Variants in SORBS2 observed in about 807,000 individuals in gnomAD.
SORBS2 encodes the protein sorbin and SH3 domain containing 2.
A neutral mutation model predicts 97.7 loss-of-function variants in SORBS2; 46 were observed. The ratio of observed to expected loss-of-function variants is 0.47; its 90% CI spans 0.37 to 0.60. The LOEUF (loss-of-function observed/expected upper bound fraction) is 0.60. Ranked by LOEUF, SORBS2 falls within the 20% of genes least tolerant of loss-of-function variation. The pLI is 0.00. For synonymous variants in SORBS2, 476 were observed against 473.4 expected (o/e 1.01, Z -0.07); for missense variants, 1,316 against 1,282.3 (o/e 1.03, Z -0.40).
At chr4:185,734,077 G>C (rs985348081) in intron 2 of SORBS2, 22 bp downstream of exon 3, 3 of 152,610 alleles carry the variant, frequency 2.0e-5, no homozygotes, top group Admixed American at 1.3e-4. Context: ...GTGGCGGGCG[G>C]TTTCCCGTGA....
In SORBS2 at chr4:185,884,271, C is replaced by T. The variant is rs77570387; in HGVS notation, c.-338+71925G>A. On this transcript the variant is annotated intron_variant, in intron 1 of 20. Transcript: ENST00000284776. ...TGGGAATTGTTCCCATTTATCATTT[C>T]TATCTGGATATTCTTATAGACATAA... is the stretch of plus-strand genomic sequence containing the variant. 7.6e-3 allele frequency among the ~76,000 whole-genome samples: 1,151 copies of T among 152,256 alleles called. 10 individuals carry two copies. The highest frequency in any genetic ancestry group is 0.034 in the Middle Eastern group (10 of 294).
intron 6 of SORBS2, among the ~76,000 whole-genome samples, chr4:185,625,234 A>G (rs1405394879): frequency 6.6e-6 from 1 of 152,230 alleles, no homozygotes; most frequent in Non-Finnish European, 1.5e-5. Context: ...CTTTCATCAG[A>G]GGTGCATATA....
rs576029197 is a variant in SORBS2, at chr4:185,643,902, G to A, written c.396+2766C>T. 3.3e-5 allele frequency among the ~76,000 whole-genome samples: 5 copies of A among 152,230 alleles called. No homozygotes were observed. In the South Asian group the frequency reaches 6.2e-4, roughly 19 times the overall value. ...CTGCGACGCCACTCTCATTCAGCAC[G>A]CCTGCTCTTCAACCTCTAGCCTGTA... On this transcript the variant is annotated intron_variant, in intron 4 of 14. Transcript: ENST00000418609.
At chr4:185,812,496 G>A (rs1295208230) in intron 1 of SORBS2, among the ~76,000 whole-genome samples, 1 of 152,166 alleles carries the variant, frequency 6.6e-6, no homozygotes, top group Non-Finnish European at 1.5e-5. Context: ...GTATGAAATC[G>A]AGGAAGTGAA....
At chr4:185,703,130 G>A (rs1364776727) in intron 2 of SORBS2, among the ~76,000 whole-genome samples, 2 of 152,140 alleles carry the variant, frequency 1.3e-5, no homozygotes, top group South Asian at 2.1e-4. Flanking sequence ...CTAGAGAATT[G>A]TTTATATATT....
intron 2 of SORBS2, among the ~76,000 whole-genome samples, chr4:185,755,205 C>A (rs1429667535): frequency 2.0e-5 from 3 of 152,254 alleles, no homozygotes; most frequent in Admixed American, 2.0e-4. Context: ...TCAGCATGGC[C>A]AGATTACCCT....
intron 4 of SORBS2, among the ~76,000 whole-genome samples, chr4:185,640,979 C>T (rs1184458092): frequency 2.6e-5 from 4 of 152,084 alleles, no homozygotes; most frequent in South Asian, 2.1e-4. Flanking sequence ...TTAGAGGAAA[C>T]GAATCTGTTT....
chr4:185,678,569 T>C (rs1220887961), intron 3 of SORBS2, 22 bp from the exon 7 acceptor site: 4 of 1,507,786 alleles, frequency 2.7e-6, no homozygotes, highest in East Asian at 2.5e-5. Context: ...GGAAAACAAT[T>C]GGATACAAAA....
exon 5 of SORBS2, chr4:185,662,115 C>G (rs139155954): frequency 3.1e-6 from 5 of 1,613,960 alleles, no homozygotes; most frequent in African/African-American, 1.3e-5. Context: ...GAGGGATGTG[C>G]CGTGCTGCAT....
At chr4:185,948,809 C>T (rs991977321) in intron 1 of SORBS2, among the ~76,000 whole-genome samples, 4 of 151,950 alleles carry the variant, frequency 2.6e-5, no homozygotes, top group East Asian at 1.9e-4. Context: ...TGAGCCACCA[C>T]GCCAGGCTAT....
chr4:185,684,570 A>T lies in SORBS2; in HGVS notation c.-197-5748T>A, dbSNP rs1377602610. Among the ~76,000 whole-genome samples the T allele has an allele frequency of 6.6e-6, 1 of 152,184 alleles. No homozygotes were observed. The highest frequency in any genetic ancestry group is 1.5e-5 in the Non-Finnish European group (1 of 68,036). On this transcript the variant is annotated intron_variant, in intron 2 of 20. Coordinates refer to the SORBS2 transcript ENST00000284776. The surrounding 1 kb of genome is among the most constrained non-coding windows in gnomAD (Gnocchi z 4.2). Reference sequence around the variant, plus strand: ...AAGTTCATGAGATAACAAAAACGTGAATAGTTATTAACACTCGCAGTTACT... The same window carrying T: ...AAGTTCATGAGATAACAAAAACGTGTATAGTTATTAACACTCGCAGTTACT...
At chr4:185,825,589 T>C (rs138721266) in intron 1 of SORBS2, among the ~76,000 whole-genome samples, 45 of 152,360 alleles carry the variant, frequency 3.0e-4, no homozygotes, top group African/African-American at 1.0e-3. Flanking sequence ...ATTTTTCTTT[T>C]TGCCATTGAT....
chr4:185,925,367 T>C (rs2099263092), intron 1 of SORBS2, among the ~76,000 whole-genome samples: 1 of 152,158 alleles, frequency 6.6e-6, no homozygotes, highest in Non-Finnish European at 1.5e-5. Context: ...TGGTCAGAAT[T>C]ATAATTAGTG....
At chr4:185,917,535 T>A (rs1258616794) in intron 1 of SORBS2, among the ~76,000 whole-genome samples, 2 of 152,136 alleles carry the variant, frequency 1.3e-5, no homozygotes, top group Admixed American at 1.3e-4. Flanking sequence ...GCCCATAATA[T>A]CCTTTATAAT....
chr4:185,941,503 C>T (rs1184948618), intron 1 of SORBS2, among the ~76,000 whole-genome samples: 8 of 152,204 alleles, frequency 5.3e-5, no homozygotes, highest in African/African-American at 1.4e-4. Flanking sequence ...AAATCTTGAA[C>T]GAATGAAGAG....
At position 185,684,886 on chromosome 4, in the gene SORBS2, G is replaced by C. The variant is rs756576783; in HGVS notation, c.-197-6064C>G. The C allele has an allele frequency of 1.4e-6, 2 of 1,462,628 alleles. No homozygotes were observed. The highest frequency in any genetic ancestry group is 1.9e-6 in the Non-Finnish European group (2 of 1,066,494). The allele number at this position is 1,462,628 out of a possible 1,614,324, so 90.6% of individuals were successfully genotyped here. On this transcript the variant is annotated intron_variant, in intron 2 of 20. Coordinates refer to the SORBS2 transcript ENST00000284776. This position sits in a 1 kb window ranked among gnomAD's most constrained non-coding sequence, Gnocchi z 4.2. ...ATGATATAGCAGAGGCCAAGGCAAC[G>C]GGAAAAGCACGTGCAATATCATGCG...
intron 2 of SORBS2, among the ~76,000 whole-genome samples, chr4:185,705,531 C>T (rs1329938283): frequency 5.3e-5 from 8 of 151,444 alleles, no homozygotes; most frequent in Non-Finnish European, 1.2e-4. Context: ...GGCGACAGAG[C>T]AAGACTCCAT....
intron 1 of SORBS2, among the ~76,000 whole-genome samples, chr4:185,905,981 A>G (rs1007823271): frequency 6.6e-6 from 1 of 152,158 alleles, no homozygotes; most frequent in Non-Finnish European, 1.5e-5. Context: ...CCAAGTGACC[A>G]TCCAAACTAT....
intron 1 of SORBS2, among the ~76,000 whole-genome samples, chr4:185,951,037 T>C (rs984840363): frequency 1.3e-5 from 2 of 152,230 alleles, no homozygotes; most frequent in Admixed American, 6.5e-5. Flanking sequence ...AGAAACCAGA[T>C]GCTACTGCAA....
Sources: gnomAD v4.1 joint callset for allele counts (sites outside exome capture counted in the v4.1 genomes callset) on GRCh38, gnomAD v4.1.1 for gene constraint, Gnocchi (gnomAD v3.1) non-coding constraint, MANE v1.5 for transcripts, NCBI Gene and HGNC (gene_info 2026-07-23, HGNC 2026-07-21) for gene names.